Variants in PRKCA observed in about 807,000 individuals in gnomAD.
The protein encoded by PRKCA is protein kinase C alpha type.
Under a neutral mutation model 87.0 loss-of-function variants are expected in PRKCA, and 27 were observed. That is an observed-to-expected ratio of 0.31 (90% confidence interval 0.23 to 0.43). The LOEUF (loss-of-function observed/expected upper bound fraction) is 0.43, where lower values mean the gene tolerates loss of function less well. Ranked by LOEUF, PRKCA falls within the 20% of genes least tolerant of loss-of-function variation. PRKCA has a pLI of 1.00. For synonymous variants in PRKCA, 329 were observed against 311.1 expected (o/e 1.06, Z -0.61); for missense variants, 518 against 852.3 (o/e 0.61, Z 4.88).
At chr17:66,550,564 G>T (rs1968294542) in intron 3 of PRKCA, among the ~76,000 whole-genome samples, 1 of 152,078 alleles carries the variant, frequency 6.6e-6, no homozygotes, top group South Asian at 2.1e-4. Context: ...CAGGAGAATG[G>T]CTTGAACCCG....
At chr17:66,365,674 T>C (rs1261602522) in intron 2 of PRKCA, among the ~76,000 whole-genome samples, 1 of 152,210 alleles carries the variant, frequency 6.6e-6, no homozygotes. Context: ...AAAATGAAGA[T>C]AATTCTCCTT....
chr17:66,711,120 A>G lies in PRKCA; in HGVS notation c.919-21568A>G, dbSNP rs117318436. ...ATATCAAAACCTCCTATCAGTGATT[A>G]AAGTTCAAGTCTGTATTGAAAGCAT... On this transcript the variant is annotated intron_variant, in intron 8 of 16. Coordinates refer to ENST00000413366, the MANE Select transcript of PRKCA (RefSeq NM_002737.3). Among the ~76,000 whole-genome samples, 1,472 of 152,322 alleles carry G rather than the reference A, an allele frequency of 9.7e-3. 10 individuals carry two copies. Among genetic ancestry groups the G allele is most frequent in the Middle Eastern group, 0.014 (4 of 294 alleles).
chr17:66,566,425 A>G (rs1270900286), intron 3 of PRKCA, among the ~76,000 whole-genome samples: 1 of 151,286 alleles, frequency 6.6e-6, no homozygotes, highest in African/African-American at 2.4e-5. Context: ...TTAAAATACC[A>G]GTAAGACAGA....
In PRKCA at chr17:66,660,491, G is replaced by A. The variant is rs372349098; in HGVS notation, c.529+14980G>A. Among the ~76,000 whole-genome samples, 40 of 152,134 alleles carry A rather than the reference G, an allele frequency of 2.6e-4. 1 individual carries two copies. Among genetic ancestry groups the A allele is most frequent in the South Asian group, 1.5e-3 (7 of 4,806 alleles). On this transcript the variant is annotated intron_variant, in intron 5 of 16. Coordinates refer to ENST00000413366, the MANE Select transcript of PRKCA (RefSeq NM_002737.3). ...TCCATGTTAGGGGGTGCTCCTGCCC[G>A]GGGACCCTCTGAAAATTCTGTCCCA...
At chr17:66,737,738 C>G (rs564914671) in intron 10 of PRKCA, among the ~76,000 whole-genome samples, 7 of 152,238 alleles carry the variant, frequency 4.6e-5, no homozygotes. Context: ...GACTCTGAAT[C>G]AAGTCACGCC....
chr17:66,483,010 A>G (rs1915848677), intron 2 of PRKCA, among the ~76,000 whole-genome samples: 1 of 151,624 alleles, frequency 6.6e-6, no homozygotes. Context: ...ACTGCTTTGG[A>G]CTTAAAGGTA....
intron 8 of PRKCA, among the ~76,000 whole-genome samples, chr17:66,716,382 T>C (rs1042979137): frequency 2.0e-5 from 3 of 152,076 alleles, no homozygotes; most frequent in Admixed American, 1.3e-4. Context: ...TGCTATGTCA[T>C]GGCTGTTGCA....
At chr17:66,686,063 G>T (rs2144026341) in intron 5 of PRKCA, among the ~76,000 whole-genome samples, 1 of 152,278 alleles carries the variant, frequency 6.6e-6, no homozygotes, top group Admixed American at 6.5e-5. Flanking sequence ...TGATAATTCA[G>T]CCTTACTGGG....
intron 6 of PRKCA, among the ~76,000 whole-genome samples, chr17:66,687,841 G>A (rs1257145201): frequency 6.6e-6 from 1 of 152,166 alleles, no homozygotes; most frequent in Non-Finnish European, 1.5e-5. Context: ...GTGTAGCTGA[G>A]GGAAAGCAAG....
intron 2 of PRKCA, among the ~76,000 whole-genome samples, chr17:66,488,871 G>A (rs75873238): frequency 0.023 from 3,514 of 152,216 alleles, 133 homozygotes; most frequent in African/African-American, 0.08. Flanking sequence ...GGAGAAGACT[G>A]TTTTCATTGT....
chr17:66,643,773 C>G (rs1005311278), intron 4 of PRKCA, among the ~76,000 whole-genome samples: 2 of 152,188 alleles, frequency 1.3e-5, no homozygotes, highest in African/African-American at 4.8e-5. Flanking sequence ...GAGAAGAAGC[C>G]TCTTCCTGTG....
At chr17:66,489,352 CATATATATATATATATATATATATATAT>C (rs10529618) in intron 2 of PRKCA, among the ~76,000 whole-genome samples, 20,747 of 99,256 alleles carry the variant, frequency 0.21, 2,255 homozygotes, top group East Asian at 0.44. Context: ...CTTAGCAGTG[CATATATATATATATATATATATATATAT>C]ATATATATAT....
At chr17:66,479,063 G>T (rs953917002) in intron 2 of PRKCA, among the ~76,000 whole-genome samples, 47 of 152,196 alleles carry the variant, frequency 3.1e-4, no homozygotes, top group African/African-American at 1.1e-3. Flanking sequence ...CACAGCAAAA[G>T]AAACTATCAA....
chr17:66,520,293 G>A (rs1967117265), intron 3 of PRKCA, among the ~76,000 whole-genome samples: 2 of 151,820 alleles, frequency 1.3e-5, no homozygotes, highest in African/African-American at 4.8e-5. Flanking sequence ...GCTAATTTTT[G>A]TACTTTTAGT....
intron 8 of PRKCA, among the ~76,000 whole-genome samples, chr17:66,714,264 C>T (rs762604534): frequency 7.2e-5 from 11 of 151,752 alleles, no homozygotes; most frequent in Non-Finnish European, 1.3e-4. Context: ...TGTGAGTCCA[C>T]GCCCCCCTCA....
chr17:66,462,008 T>C (rs1412899688), intron 2 of PRKCA, among the ~76,000 whole-genome samples: 2 of 152,094 alleles, frequency 1.3e-5, no homozygotes, highest in Non-Finnish European at 2.9e-5. Flanking sequence ...GTGAACAGTG[T>C]CTAGTTTTTT....
At chr17:66,410,795 C>CAT (rs1911746707) in intron 2 of PRKCA, among the ~76,000 whole-genome samples, 1 of 152,192 alleles carries the variant, frequency 6.6e-6, no homozygotes, top group Non-Finnish European at 1.5e-5. Flanking sequence ...AGACTGGTCT[C>CAT]AAACTCCTGA....
chr17:66,735,121 T>C (rs1232563875), intron 9 of PRKCA, among the ~76,000 whole-genome samples: 3 of 152,190 alleles, frequency 2.0e-5, no homozygotes, highest in Non-Finnish European at 4.4e-5. Context: ...GGTTCTTGAC[T>C]TGAGAGATTA....
intron 2 of PRKCA, among the ~76,000 whole-genome samples, chr17:66,316,754 T>G (rs1905336731): frequency 6.6e-6 from 1 of 152,074 alleles, no homozygotes; most frequent in Non-Finnish European, 1.5e-5. Flanking sequence ...GTCCAGGGTC[T>G]TACCGCATGG....
Sources: allele counts gnomAD v4.1 joint callset (sites outside exome capture counted in the v4.1 genomes callset), GRCh38; gene constraint gnomAD v4.1.1; transcripts MANE v1.5; gene names NCBI Gene and HGNC (gene_info 2026-07-23, HGNC 2026-07-21).